Variants in LGSN observed in about 807,000 individuals in gnomAD.
LGSN encodes lengsin, lens protein with glutamine synthetase domain.
A neutral mutation model predicts 19.5 loss-of-function variants in LGSN; 21 were observed. The ratio of observed to expected loss-of-function variants is 1.07; its 90% CI spans 0.76 to 1.55. LGSN has a LOEUF of 1.55. LGSN is among the 40% of genes most tolerant of loss of function. The pLI, the probability that LGSN is intolerant of heterozygous loss-of-function variation, is 0.00. For synonymous variants in LGSN, 257 were observed against 215.6 expected (o/e 1.19, Z -1.68); for missense variants, 673 against 608.5 (o/e 1.11, Z -1.12).
intron 2 of LGSN, among the ~76,000 whole-genome samples, chr6:63,286,611 G>A (rs762180217): frequency 1.3e-5 from 2 of 152,108 alleles, no homozygotes; most frequent in Non-Finnish European, 2.9e-5. Flanking sequence ...GATTCATGCT[G>A]GGTGGCTTAT....
At chr6:63,567,087 G>A in the LGSN span, among the ~76,000 whole-genome samples, 1 of 152,108 alleles carries the variant, frequency 6.6e-6, no homozygotes, top group Non-Finnish European at 1.5e-5. Context: ...CACCATATTT[G>A]TAGTGATTTC....
the LGSN span, among the ~76,000 whole-genome samples, chr6:63,405,669 C>T: frequency 6.6e-6 from 1 of 152,130 alleles, no homozygotes; most frequent in Non-Finnish European, 1.5e-5. Context: ...CAAATTCACA[C>T]ATAACAATAT....
At chr6:63,538,561 A>C in the LGSN span, among the ~76,000 whole-genome samples, 1 of 152,270 alleles carries the variant, frequency 6.6e-6, no homozygotes, top group South Asian at 2.1e-4. Context: ...TAGGATTTTG[A>C]AACTTGGTCC....
At chr6:63,515,948 AT>A in the LGSN span, among the ~76,000 whole-genome samples, 1 of 152,210 alleles carries the variant, frequency 6.6e-6, no homozygotes, top group Non-Finnish European at 1.5e-5. Context: ...ACATAGTCTG[AT>A]TTATTCTAAG....
chr6:63,534,084 C>T, the LGSN span, among the ~76,000 whole-genome samples: 1 of 152,098 alleles, frequency 6.6e-6, no homozygotes, highest in Non-Finnish European at 1.5e-5. Flanking sequence ...CTCAAGTGAT[C>T]TGCCCACCTT....
At chr6:63,573,354 TCTCGGAGCTC>T in the LGSN span, 2 of 151,464 alleles carry the variant, frequency 1.3e-5, no homozygotes, top group Non-Finnish European at 2.9e-5. Flanking sequence ...TTCCAGAGCT[TCTCGGAGCTC>T]CGGGGTGGGC....
chr6:63,382,699 G>A, the LGSN span, among the ~76,000 whole-genome samples: 2 of 152,132 alleles, frequency 1.3e-5, no homozygotes, highest in African/African-American at 4.8e-5. Context: ...ATAATACATT[G>A]TCATTTTGCA....
At chr6:63,362,724 G>A in the LGSN span, among the ~76,000 whole-genome samples, 20 of 152,300 alleles carry the variant, frequency 1.3e-4, no homozygotes, top group South Asian at 2.1e-4. Context: ...GGAGCCCACC[G>A]CAGTTCAAGG....
chr6:63,520,640 A>G, the LGSN span, among the ~76,000 whole-genome samples: 1 of 149,596 alleles, frequency 6.7e-6, no homozygotes, highest in Non-Finnish European at 1.5e-5. Context: ...CAAATAAATA[A>G]ATAAATAAAT....
the LGSN span, among the ~76,000 whole-genome samples, chr6:63,530,612 G>A: frequency 2.0e-5 from 3 of 151,934 alleles, no homozygotes. Flanking sequence ...AAATCACTAG[G>A]GTCATAGGGA....
the LGSN span, among the ~76,000 whole-genome samples, chr6:63,354,716 C>G: frequency 6.6e-6 from 1 of 152,002 alleles, no homozygotes; most frequent in Non-Finnish European, 1.5e-5. Flanking sequence ...TTCACAACAG[C>G]AAAGACAGAG....
chr6:63,399,481 G>A, the LGSN span, among the ~76,000 whole-genome samples: 277 of 143,094 alleles, frequency 1.9e-3, 6 homozygotes, highest in Non-Finnish European at 8.8e-4. Flanking sequence ...TGCAACCTCC[G>A]CCTCCCGGGT....
chr6:63,488,842 CAA>C, the LGSN span, among the ~76,000 whole-genome samples: 36 of 126,070 alleles, frequency 2.9e-4, no homozygotes, highest in Non-Finnish European at 1.7e-5. Context: ...TAAAGTTTAC[CAA>C]AAAAAAAAAA....
chr6:63,508,831 A>G, the LGSN span, among the ~76,000 whole-genome samples: 2 of 151,308 alleles, frequency 1.3e-5, no homozygotes, highest in Non-Finnish European at 2.9e-5. Context: ...AGGCAGGAGA[A>G]TCGCTTGAAC....
At chr6:63,570,713 T>C in the LGSN span, among the ~76,000 whole-genome samples, 2 of 152,258 alleles carry the variant, frequency 1.3e-5, no homozygotes, top group Admixed American at 6.5e-5. Flanking sequence ...TATCTGTGTT[T>C]ACCAACTTGT....
the LGSN span, among the ~76,000 whole-genome samples, chr6:63,380,403 A>G: frequency 6.6e-6 from 1 of 152,206 alleles, no homozygotes; most frequent in Non-Finnish European, 1.5e-5. Context: ...CTGCAGACGC[A>G]TATCACAGGA....
the LGSN span, chr6:63,527,951 G>T: frequency 6.6e-6 from 1 of 152,226 alleles, no homozygotes; most frequent in African/African-American, 2.4e-5. Flanking sequence ...GTTGGATTTA[G>T]AAAAGCATCT....
the LGSN span, among the ~76,000 whole-genome samples, chr6:63,445,907 C>G: frequency 6.6e-6 from 1 of 152,134 alleles, no homozygotes; most frequent in African/African-American, 2.4e-5. Context: ...CCCATGACCT[C>G]TCCATCATCA....
the LGSN span, among the ~76,000 whole-genome samples, chr6:63,556,166 A>T: frequency 6.6e-5 from 10 of 151,992 alleles, no homozygotes; most frequent in African/African-American, 2.2e-4. Context: ...ATTTTAAAAA[A>T]TTTTTTACTG....
Sources: allele counts gnomAD v4.1 joint callset (sites outside exome capture counted in the v4.1 genomes callset), GRCh38; gene constraint gnomAD v4.1.1; transcripts MANE v1.5; gene names NCBI Gene and HGNC (gene_info 2026-07-23, HGNC 2026-07-21).